SRL: variants seen among roughly 807,000 people sequenced by gnomAD.
The protein encoded by SRL is sarcalumenin.
In SRL, 23 loss-of-function variants were observed where a neutral mutation model predicts 39.5. That is an observed-to-expected ratio of 0.58 (90% CI 0.42 to 0.82). The LOEUF is 0.82. Ranked by LOEUF, SRL falls within the 40% of genes least tolerant of loss-of-function variation. SRL has a pLI of 0.00. For synonymous variants in SRL, 272 were observed against 237.4 expected, an observed-to-expected ratio of 1.15 and a Z score of -1.34; for missense variants, 592 against 607.8, an observed-to-expected ratio of 0.97 and a Z score of 0.27.
chr16:4,234,893 G>A (rs1046697836), intron 1 of SRL, among the ~76,000 whole-genome samples: 1 of 152,236 alleles, frequency 6.6e-6, no homozygotes, highest in Non-Finnish European at 1.5e-5. Context: ...AACTTTGGGT[G>A]AGACCTTGCC....
chr16:4,220,280 C>CACAA (rs908105250), intron 1 of SRL, among the ~76,000 whole-genome samples: 14 of 146,594 alleles, frequency 9.6e-5, no homozygotes, highest in African/African-American at 3.4e-4. Flanking sequence ...TCTACTAAAA[C>CACAA]ACACACACAC....
intron 1 of SRL, among the ~76,000 whole-genome samples, chr16:4,221,873 C>T (rs527494113): frequency 1.3e-5 from 2 of 152,288 alleles, no homozygotes; most frequent in Non-Finnish European, 2.9e-5. Context: ...CAGTCTCTGC[C>T]TCCACTGACA....
intron 1 of SRL, among the ~76,000 whole-genome samples, chr16:4,222,700 T>G (rs2052543637): frequency 6.6e-6 from 1 of 152,174 alleles, no homozygotes; most frequent in African/African-American, 2.4e-5. Context: ...CTGGCTGCAT[T>G]GAGAGCACCT....
intron 1 of SRL, among the ~76,000 whole-genome samples, chr16:4,213,412 T>C (rs1032516880): frequency 7.1e-5 from 9 of 126,320 alleles, no homozygotes; most frequent in Admixed American, 1.5e-4. Flanking sequence ...TTCTTTTTTT[T>C]TTTTTTTTTT....
intron 1 of SRL, chr16:4,208,172 T>C (rs889807): frequency 0.49 from 185,172 of 377,076 alleles, 46,365 homozygotes; most frequent in Middle Eastern, 0.61. Flanking sequence ...CAAGAGTCTA[T>C]AATAACCTAG....
chr16:4,236,717 C>T (rs2052717858), intron 1 of SRL, among the ~76,000 whole-genome samples: 1 of 152,102 alleles, frequency 6.6e-6, no homozygotes, highest in Non-Finnish European at 1.5e-5. Context: ...GATCTCAGCT[C>T]ACTGCAACCT....
chr16:4,212,050 G>C (rs956334935), intron 1 of SRL, among the ~76,000 whole-genome samples: 1 of 152,178 alleles, frequency 6.6e-6, no homozygotes, highest in Non-Finnish European at 1.5e-5. Context: ...CCAAATGTTG[G>C]AGGTTCACCG....
chr16:4,231,805 T>C (rs191268587), intron 1 of SRL, among the ~76,000 whole-genome samples: 3 of 152,318 alleles, frequency 2.0e-5, no homozygotes, highest in East Asian at 1.9e-4. Context: ...AGTTGCCGCA[T>C]ACTCACAAGA....
At chr16:4,216,471 C>T (rs951359342) in intron 1 of SRL, among the ~76,000 whole-genome samples, 2 of 152,034 alleles carry the variant, frequency 1.3e-5, no homozygotes, top group Non-Finnish European at 2.9e-5. Context: ...GGGGTTTCAC[C>T]ACGTTTGCCA....
rs71139622 is a variant in SRL at position 4,199,364 on chromosome 16, CTTTTTTT to C, written c.260-1456_260-1450del. Among the ~76,000 whole-genome samples the C allele has an allele frequency of 7.6e-3, 646 of 84,672 alleles. 2 individuals are homozygous for C. The highest frequency in any genetic ancestry group is 0.022 in the African/African-American group (528 of 24,540). The allele number at this position is 84,672 out of a possible 152,430, so 55.5% of individuals were successfully genotyped here. ...TATTTGTAGCTAACATATTCCCCATCTTTTTTTTTTTTTTTTTTTTTTTTTGAGACAG... is the reference window on the plus strand; with the variant it reads ...TATTTGTAGCTAACATATTCCCCATCTTTTTTTTTTTTTTTTTTGAGACAG... On this transcript the variant is annotated intron_variant, in intron 3 of 5. Transcript: ENST00000399609.
chr16:4,223,376 C>G (rs2052552407), intron 1 of SRL, among the ~76,000 whole-genome samples: 1 of 139,710 alleles, frequency 7.2e-6, no homozygotes. Flanking sequence ...CCTCAGGAAT[C>G]CACCTTTTTT....
intron 1 of SRL, among the ~76,000 whole-genome samples, chr16:4,230,436 G>GCA (rs1405743745): frequency 2.0e-5 from 3 of 149,570 alleles, no homozygotes; most frequent in Admixed American, 6.7e-5. Context: ...GCTGGAGTAT[G>GCA]GTGGTGCGAT....
intron 1 of SRL, among the ~76,000 whole-genome samples, chr16:4,230,951 T>C (rs1240064733): frequency 6.6e-6 from 1 of 152,094 alleles, no homozygotes; most frequent in Admixed American, 6.5e-5. Context: ...CCCTTAGACC[T>C]TTCAAAGGGA....
intron 1 of SRL, among the ~76,000 whole-genome samples, chr16:4,236,757 C>T (rs185072782): frequency 1.3e-5 from 2 of 152,126 alleles, no homozygotes; most frequent in Non-Finnish European, 2.9e-5. Flanking sequence ...AATTCTCCTG[C>T]CTCAGCCTCC....
chr16:4,218,896 C>T (rs1451435891), intron 1 of SRL, among the ~76,000 whole-genome samples: 3 of 152,240 alleles, frequency 2.0e-5, no homozygotes, highest in Non-Finnish European at 4.4e-5. Context: ...CCATGTGCCC[C>T]AGCTCATAGA....
At chr16:4,225,537 T>C (rs908417118) in intron 1 of SRL, among the ~76,000 whole-genome samples, 1 of 152,172 alleles carries the variant, frequency 6.6e-6, no homozygotes, top group Non-Finnish European at 1.5e-5. Flanking sequence ...TGAGCCCTGA[T>C]TGTACCAGTG....
chr16:4,194,353 G>A (rs373592692), intron 5 of SRL, among the ~76,000 whole-genome samples: 1 of 152,094 alleles, frequency 6.6e-6, no homozygotes, highest in Admixed American at 6.6e-5. Flanking sequence ...AAACCACTCT[G>A]GTTTCTGTCT....
chr16:4,207,451 G>T (rs1224867850), intron 1 of SRL: 1 of 456,876 alleles, frequency 2.2e-6, no homozygotes, highest in Non-Finnish European at 4.4e-6. Context: ...GCTCCCTCTG[G>T]CACTGCAGGC....
In SRL at chr16:4,204,663, G is replaced by C. The variant is rs766139219; in HGVS notation, c.62-29C>G. 8 of 1,603,214 alleles carry C rather than the reference G, an allele frequency of 5.0e-6. No individual in the cohort carries two copies. The East Asian group carries it at 1.8e-4, about 36-fold the overall frequency. On this transcript the variant is annotated intron_variant, in intron 1 of 5. Coordinates refer to ENST00000399609, the MANE Select transcript of SRL (RefSeq NM_001098814.2). ...TGGAGAGAAGCAGACAGCCAAGTGAGAGCAAAGCTAACAGCCAGCTGAGCT... is the reference window on the plus strand; with the variant it reads ...TGGAGAGAAGCAGACAGCCAAGTGACAGCAAAGCTAACAGCCAGCTGAGCT...
Sources: gnomAD v4.1 joint callset for allele counts (sites outside exome capture counted in the v4.1 genomes callset) on GRCh38, gnomAD v4.1.1 for gene constraint, MANE v1.5 for transcripts, NCBI Gene and HGNC (gene_info 2026-07-23, HGNC 2026-07-21) for gene names.